The following ADCY5 variants were observed in gnomAD, a reference collection of about 807,000 sequenced individuals.
ADCY5 encodes adenylate cyclase type 5.
ADCY5 carries 30 observed loss-of-function variants against 119.7 expected under a neutral mutation model. That is an observed-to-expected ratio of 0.25 (90% CI 0.19 to 0.34). ADCY5 has a LOEUF of 0.34. Ranked by LOEUF, ADCY5 falls within the 10% of genes least tolerant of loss-of-function variation. The pLI is 1.00. For missense variants in ADCY5, 1,324 were observed against 1,775.2 expected (o/e 0.75, Z 4.57); for synonymous variants, 753 against 762.2 (o/e 0.99, Z 0.20).
At chr3:123,438,522 C>T (rs2107651583) in intron 1 of ADCY5, among the ~76,000 whole-genome samples, 1 of 152,264 alleles carries the variant, frequency 6.6e-6, no homozygotes, top group Non-Finnish European at 1.5e-5. Context: ...CCTCCCTGTC[C>T]TGCTTCACCC....
chr3:123,317,047 G>A (rs67799734), intron 11 of ADCY5, among the ~76,000 whole-genome samples: 5 of 124,004 alleles, frequency 4.0e-5, no homozygotes, highest in East Asian at 2.1e-4. Flanking sequence ...GTGTGTGTGT[G>A]TGTATATGTA....
rs779821631 is a variant in ADCY5, at chr3:123,283,881, T to TTTGC, written c.*723_*726dup. On this transcript the variant is annotated 3_prime_UTR_variant, in exon 21 of 21. Transcript: ENST00000462833. ...GCCCTCCCCCCGAGTGGCGTCCTCGTTTGCTTGTGTGTCTCTTACACGCAT... is the reference window on the plus strand; with the variant it reads ...GCCCTCCCCCCGAGTGGCGTCCTCGTTTGCTTGCTTGTGTGTCTCTTACACGCAT... The TTTGC allele has an allele frequency of 2.6e-4, 39 of 152,228 alleles. 1 individual carries two copies. The highest frequency in any genetic ancestry group is 2.1e-3 in the Admixed American group (32 of 15,290). The allele number at this position is 152,228 out of a possible 1,614,324, so 9.4% of individuals were successfully genotyped here. A position where few individuals can be genotyped will look rare whatever the true frequency, so the allele number is the denominator to read the frequency against.
chr3:123,336,736 C>CG (rs1477741413), intron 3 of ADCY5, among the ~76,000 whole-genome samples: 2 of 152,206 alleles, frequency 1.3e-5, no homozygotes, highest in Non-Finnish European at 2.9e-5. Context: ...TCAGGTGGGC[C>CG]AGGCCTCTGC....
At chr3:123,299,882 G>A (rs1019486548) in intron 15 of ADCY5, among the ~76,000 whole-genome samples, 3 of 152,224 alleles carry the variant, frequency 2.0e-5, no homozygotes, top group Non-Finnish European at 4.4e-5. Context: ...GCCCTGGCAA[G>A]CGGGGAGCAA....
intron 1 of ADCY5, chr3:123,419,148 C>A: frequency 1.0e-6 from 1 of 985,310 alleles, no homozygotes; most frequent in Non-Finnish European, 1.2e-6. Context: ...ATAGTGCAGC[C>A]GGTGCCCGAG....
chr3:123,311,963 A>T (rs1200213031), intron 12 of ADCY5, among the ~76,000 whole-genome samples: 1 of 152,204 alleles, frequency 6.6e-6, no homozygotes, highest in African/African-American at 2.4e-5. Flanking sequence ...AAAATAGGCA[A>T]ATTCAACAAT....
intron 1 of ADCY5, among the ~76,000 whole-genome samples, chr3:123,377,929 C>CAA (rs10662985): frequency 0.49 from 41,613 of 84,168 alleles, 11,757 homozygotes; most frequent in East Asian, 0.89. Flanking sequence ...GACTCCATCT[C>CAA]AAAAAAAAAA....
At chr3:123,296,301 CCT>C in intron 16 of ADCY5, 85 bp from the exon 17 acceptor site, 2 of 1,462,490 alleles carry the variant, frequency 1.4e-6, no homozygotes, top group South Asian at 2.6e-5. Flanking sequence ...CACTGCTGGC[CCT>C]GTTTTCTTCC....
intron 1 of ADCY5, among the ~76,000 whole-genome samples, chr3:123,411,864 G>A (rs1028451759): frequency 3.9e-5 from 6 of 152,148 alleles, no homozygotes; most frequent in African/African-American, 1.2e-4. Flanking sequence ...AGTCCCAGGT[G>A]GACTCACTGT....
In ADCY5 at chr3:123,295,922, C is replaced by T. The variant is rs55851354; in HGVS notation, c.3063+162G>A. Among the ~76,000 whole-genome samples, 4,854 of 152,220 alleles carry T rather than the reference C, an allele frequency of 0.032. 263 individuals carry two copies. The highest frequency in any genetic ancestry group is 0.11 in the African/African-American group (4,598 of 41,516). ...CTCCAGAGTGCAGGGAGCAGACCCA[C>T]GGGGACACAGGGCACCAAGTGGCTT... On this transcript the variant is annotated intron_variant, in intron 17 of 20. Transcript: ENST00000462833.
chr3:123,448,411 G>A lies in ADCY5; in HGVS notation c.135C>T (p.Ala45=), dbSNP rs1209926210. The A allele has an allele frequency of 4.3e-6, 6 of 1,406,870 alleles. No individual in the cohort carries two copies. The South Asian group carries it at 7.3e-5, about 17-fold the overall frequency. The allele number at this position is 1,406,870 out of a possible 1,614,324, so 87.1% of individuals were successfully genotyped here. The change falls in exon 1 of 21, where the codon GCC becomes GCT. Residue 45 remains alanine (A), a synonymous_variant. Transcript: ENST00000462833. The part of the protein sequence containing the change: ...ADSRANGYPH[A]PGGSARGSTK... The stretch of plus-strand genomic sequence containing the variant: ...TGGAGCCGCGGGCAGAGCCCCCGGG[G>A]GCATGGGGGTAGCCATTCGCGCGGG...
At chr3:123,295,822 T>C (rs773771216) in intron 17 of ADCY5, among the ~76,000 whole-genome samples, 1 of 152,228 alleles carries the variant, frequency 6.6e-6, no homozygotes, top group Non-Finnish European at 1.5e-5. Context: ...GCATGCCTCC[T>C]GGACCCGTCA....
At chr3:123,343,108 G>A (rs1304847986) in intron 3 of ADCY5, among the ~76,000 whole-genome samples, 1 of 152,194 alleles carries the variant, frequency 6.6e-6, no homozygotes, top group African/African-American at 2.4e-5. Context: ...ACCCTGTGAA[G>A]TCTGTGTCCC....
chr3:123,310,248 G>A (rs1246582041), intron 12 of ADCY5, among the ~76,000 whole-genome samples: 1 of 152,072 alleles, frequency 6.6e-6, no homozygotes, highest in Non-Finnish European at 1.5e-5. Flanking sequence ...TAAGGGCTGA[G>A]GCACCTAGAT....
chr3:123,406,022 C>T (rs1944889493), intron 1 of ADCY5, among the ~76,000 whole-genome samples: 1 of 152,210 alleles, frequency 6.6e-6, no homozygotes. Flanking sequence ...CTAGCCAATT[C>T]CTAGAGACAG....
intron 1 of ADCY5, among the ~76,000 whole-genome samples, chr3:123,438,914 C>T (rs1028324598): frequency 6.6e-6 from 1 of 151,464 alleles, no homozygotes; most frequent in African/African-American, 2.4e-5. Context: ...ACCTGATTAA[C>T]CTTTTTAAAA....
intron 2 of ADCY5, among the ~76,000 whole-genome samples, chr3:123,348,120 G>A (rs1288471922): frequency 1.5e-5 from 2 of 130,304 alleles, no homozygotes; most frequent in African/African-American, 2.9e-5. Flanking sequence ...TCCCCTCCCC[G>A]GGACACCAGC....
intron 1 of ADCY5, among the ~76,000 whole-genome samples, chr3:123,367,422 C>T (rs150841464): frequency 1.5e-3 from 226 of 152,286 alleles, no homozygotes; most frequent in African/African-American, 5.2e-3. Flanking sequence ...TGCTTTGAGG[C>T]CTGGCAAGAG....
At chr3:123,441,980 GAA>G (rs11382207) in intron 1 of ADCY5, among the ~76,000 whole-genome samples, 19 of 139,178 alleles carry the variant, frequency 1.4e-4, no homozygotes, top group African/African-American at 4.5e-4. Flanking sequence ...CTTAAGGAAG[GAA>G]AAAAAAAAAA....
Sources: gnomAD v4.1 joint callset for allele counts (sites outside exome capture counted in the v4.1 genomes callset) on GRCh38, gnomAD v4.1.1 for gene constraint, MANE v1.5 for transcripts, NCBI Gene and HGNC (gene_info 2026-07-23, HGNC 2026-07-21) for gene names.